TEKT1: variants seen among roughly 807,000 people sequenced by gnomAD.
TEKT1 encodes the protein tektin-1.
Under a neutral mutation model 34.8 loss-of-function variants are expected in TEKT1, and 32 were observed. The ratio of observed to expected loss-of-function variants is 0.92; its 90% CI spans 0.69 to 1.23. The LOEUF (loss-of-function observed/expected upper bound fraction) is 1.23, where lower values mean the gene tolerates loss of function less well. Among genes scored for constraint, TEKT1 ranks in the 50% most tolerant of loss-of-function variants. The pLI is 0.00. For synonymous variants in TEKT1, 207 were observed against 199.8 expected (o/e 1.04, Z -0.30); for missense variants, 492 against 518.5 (o/e 0.95, Z 0.50).
At position 6,800,715 on chromosome 17, in the gene TEKT1, G is replaced by A. The variant is rs756925586; in HGVS notation, c.1049+32C>T. ...GATATCCAGGTTGGGATTGAGACCC[G>A]AAGGCCCTCTGCCCACTGGCTGCTA... On this transcript the variant is annotated intron_variant, in intron 7 of 7. Transcript: ENST00000338694. The A allele has an allele frequency of 2.5e-5, 39 of 1,589,652 alleles. No individual in the cohort carries two copies. In the South Asian group the frequency reaches 2.5e-4, roughly 10 times the overall value.
At chr17:6,816,072 C>A in intron 3 of TEKT1, 110 bp from the exon 4 acceptor site, 1 of 1,428,704 alleles carries the variant, frequency 7.0e-7, no homozygotes, top group South Asian at 1.3e-5. Flanking sequence ...TTGAGTGTCA[C>A]CCGATCCATC....
At chr17:6,813,888 T>C (rs1480034720) in intron 5 of TEKT1, among the ~76,000 whole-genome samples, 1 of 151,910 alleles carries the variant, frequency 6.6e-6, no homozygotes, top group Non-Finnish European at 1.5e-5. Flanking sequence ...TTCTCACAAA[T>C]AGAAGGATGT....
chr17:6,803,936 A>G (rs1976812112), intron 6 of TEKT1, among the ~76,000 whole-genome samples: 1 of 152,014 alleles, frequency 6.6e-6, no homozygotes, highest in Admixed American at 6.6e-5. Flanking sequence ...TTGACTTGGC[A>G]ATGCCAGCCC....
chr17:6,819,926 G>T (rs1000174390), intron 2 of TEKT1, among the ~76,000 whole-genome samples: 22 of 152,172 alleles, frequency 1.4e-4, no homozygotes, highest in Admixed American at 3.9e-4. Flanking sequence ...CTGACCTCGT[G>T]ATCCGCCTGC....
At chr17:6,825,389 C>T (rs569929057) in intron 2 of TEKT1, among the ~76,000 whole-genome samples, 10 of 152,168 alleles carry the variant, frequency 6.6e-5, no homozygotes, top group Non-Finnish European at 1.0e-4. Context: ...CTGTACTGGA[C>T]TCATCTCTAC....
At chr17:6,814,845 AAAG>A in intron 5 of TEKT1, 1 of 217,612 alleles carries the variant, frequency 4.6e-6, no homozygotes, top group Non-Finnish European at 8.6e-6. Flanking sequence ...CTCAAAAAAA[AAAG>A]GGGGGGGGAA....
Position 6,799,860 on chromosome 17 carries a change from A to G in TEKT1, c.*167T>C, listed in dbSNP as rs1004904352. ...TGTTAGGCAAACACCACACCAGCATAAGAGAAGAAACTCGCCCCAAAATCA... is the reference window on the plus strand; with the variant it reads ...TGTTAGGCAAACACCACACCAGCATGAGAGAAGAAACTCGCCCCAAAATCA... On this transcript the variant is annotated 3_prime_UTR_variant, in exon 8 of 8. Transcript: ENST00000338694. 3.1e-5 allele frequency: 18 copies of G among 583,676 alleles called. No homozygotes were observed. The highest frequency in any genetic ancestry group is 4.9e-5 in the Non-Finnish European group (17 of 343,464). 36.2% of individuals were successfully genotyped at this position (583,676 alleles called of 1,614,324 possible). A position where few individuals can be genotyped will look rare whatever the true frequency, so the allele number is the denominator to read the frequency against.
At chr17:6,801,029 G>T in intron 6 of TEKT1, 86 bp from the exon 7 acceptor site, 1 of 1,276,688 alleles carries the variant, frequency 7.8e-7, no homozygotes, top group Non-Finnish European at 1.1e-6. Context: ...GATCATGTAA[G>T]TTAGGAAGAG....
intron 3 of TEKT1, among the ~76,000 whole-genome samples, chr17:6,817,651 G>A (rs1355970897): frequency 1.3e-5 from 2 of 151,736 alleles, no homozygotes; most frequent in Non-Finnish European, 2.9e-5. Flanking sequence ...GCTACACAAC[G>A]TTTTGCTCTT....
rs777778438 is a variant in TEKT1, at chr17:6,819,289, A to G, written c.260T>C (p.Val87Ala). Residue 87 changes from valine to alanine, a missense_variant, in exon 3 of 8, where the codon GTA (valine) becomes GCA (alanine). Val to Ala is a moderately conservative substitution (Grantham distance 64). Coordinates refer to ENST00000338694, the MANE Select transcript of TEKT1 (RefSeq NM_053285.2). ...LDDKLEQLVN[V>A]TDDLLIYKIR... ...CTTATATATGAGTAGATCATCAGTT[A>G]CATTCACAAGCTGCTCAAGTTTGTC... 1.2e-6 allele frequency: 2 copies of G among 1,614,128 alleles called. No individual in the cohort carries two copies. Among genetic ancestry groups the G allele is most frequent in the Non-Finnish European group, 1.7e-6 (2 of 1,180,002 alleles).
chr17:6,802,568 G>A (rs1976789848), intron 6 of TEKT1, among the ~76,000 whole-genome samples: 1 of 151,582 alleles, frequency 6.6e-6, no homozygotes, highest in Non-Finnish European at 1.5e-5. Context: ...TGCCATGTTG[G>A]TGTGCTGCAC....
At chr17:6,821,814 C>T (rs554040838) in intron 2 of TEKT1, among the ~76,000 whole-genome samples, 52 of 152,324 alleles carry the variant, frequency 3.4e-4, no homozygotes, top group African/African-American at 1.2e-3. Flanking sequence ...AAGCAAAGTT[C>T]ACTCTTCTTA....
chr17:6,815,905 C>A lies in TEKT1; in HGVS notation c.414G>T (p.Lys138Asn), dbSNP rs147561284. 1.9e-6 allele frequency: 3 copies of A among 1,614,054 alleles called. No homozygotes were observed. In the African/African-American group the frequency reaches 4.0e-5, roughly 22 times the overall value. ...TAATGCCCTGGATGATCTCAGCCTC[C>A]TTTATCAGCTCATGCTCCACTGTGT... The part of the protein sequence containing the change: ...VHDTVEHELI[K>N]EAEIIQGIMA... The change falls in exon 4 of 8, where the codon AAG becomes AAT. Residue 138 changes from lysine to asparagine, a missense_variant. Transcript: ENST00000338694.
chr17:6,804,072 T>C (rs900322967), intron 6 of TEKT1, among the ~76,000 whole-genome samples: 1 of 152,246 alleles, frequency 6.6e-6, no homozygotes, highest in Non-Finnish European at 1.5e-5. Flanking sequence ...TTTCATAATA[T>C]TGATTCTTCC....
intron 2 of TEKT1, among the ~76,000 whole-genome samples, chr17:6,824,282 C>T (rs1193056497): frequency 2.9e-5 from 4 of 135,684 alleles, no homozygotes; most frequent in Non-Finnish European, 4.8e-5. Flanking sequence ...TTATGGCTCC[C>T]CTTACCCATC....
chr17:6,824,642 C>A (rs1277740976), intron 2 of TEKT1, among the ~76,000 whole-genome samples: 1 of 152,156 alleles, frequency 6.6e-6, no homozygotes. Flanking sequence ...AGTTACTTGC[C>A]TTTTTACTTG....
In TEKT1 at chr17:6,811,306, A is replaced by ATGTGTGTGTGTG. The variant is rs34180300; in HGVS notation, c.852+1513_852+1524dup. Among the ~76,000 whole-genome samples the ATGTGTGTGTGTG allele has an allele frequency of 2.0e-5, 3 of 149,684 alleles. No homozygotes were observed. The highest frequency in any genetic ancestry group is 4.9e-5 in the African/African-American group (2 of 40,694). The stretch of plus-strand genomic sequence containing the variant: ...ATTATATGTTAATCATATATGCAAA[A>ATGTGTGTGTGTG]TGTGTGTGTGTGTGTGTGTGTGTGT... On this transcript the variant is annotated intron_variant, in intron 6 of 7. Transcript: ENST00000338694. This position sits in a 1 kb window ranked among gnomAD's most constrained non-coding sequence, Gnocchi z 4.4.
At chr17:6,826,696 A>ATTTTTTTTTTTTTTTTTTTTTTT (rs1347403207) in intron 2 of TEKT1, among the ~76,000 whole-genome samples, 1 of 144,596 alleles carries the variant, frequency 6.9e-6, no homozygotes, top group African/African-American at 2.8e-5. Context: ...TGGGATTATT[A>ATTTTTTTTTTTTTTTTTTTTTTT]TTATTTTTTT....
chr17:6,815,841 G>C lies in TEKT1; in HGVS notation c.478C>G (p.Gln160Glu). The C allele has an allele frequency of 6.2e-7, 1 of 1,614,164 alleles. No individual in the cohort carries two copies. The highest frequency in any genetic ancestry group is 8.5e-7 in the Non-Finnish European group (1 of 1,180,030). ...LTRTLEEASE[Q>E]IRMNRSAKYN... The stretch of plus-strand genomic sequence containing the variant: ...CAGGCCGAAGAGTCATACCGAATCT[G>C]CTCGGAAGCCTCCTCCAAGGTACGG... The change falls in exon 4 of 8, where the codon CAG (glutamine) becomes GAG (glutamate). Residue 160 changes from glutamine to glutamate, a missense_variant. Coordinates refer to ENST00000338694, the MANE Select transcript of TEKT1 (RefSeq NM_053285.2).
Sources: gnomAD v4.1 joint callset for allele counts (sites outside exome capture counted in the v4.1 genomes callset) on GRCh38, gnomAD v4.1.1 for gene constraint, Gnocchi (gnomAD v3.1) non-coding constraint, MANE v1.5 for transcripts, NCBI Gene and HGNC (gene_info 2026-07-23, HGNC 2026-07-21) for gene names.